Variants in ABL1 observed in about 807,000 individuals in gnomAD.
ABL1 encodes tyrosine-protein kinase ABL1.
Under a neutral mutation model 94.7 loss-of-function variants are expected in ABL1, and 11 were observed. The observed-to-expected ratio is 0.12, with a 90% CI of 0.07 to 0.19. The LOEUF is 0.19. Ranked by LOEUF, ABL1 falls within the 10% of genes least tolerant of loss-of-function variation. The pLI, the probability that ABL1 is intolerant of heterozygous loss-of-function variation, is 1.00. For synonymous variants in ABL1, 656 were observed against 622.4 expected, an observed-to-expected ratio of 1.05 and a Z score of -0.80; for missense variants, 1,082 against 1,489.4, an observed-to-expected ratio of 0.73 and a Z score of 4.50.
rs542532506 is a variant in ABL1 at position 130,754,304 on chromosome 9, C to T, written c.136+39849C>T. Among the ~76,000 whole-genome samples, 572 of 150,896 alleles carry T rather than the reference C, an allele frequency of 3.8e-3. 5 individuals carry two copies. Among genetic ancestry groups the T allele is most frequent in the African/African-American group, 0.013 (543 of 41,080 alleles). On this transcript the variant is annotated intron_variant, in intron 1 of 10. Coordinates refer to the ABL1 transcript ENST00000372348. ...CGGGTGGATTACGAGGTCAGGAGAT[C>T]GAGACCATCCTGGCTAACATGGTGA... is the stretch of plus-strand genomic sequence containing the variant.
chr9:130,745,144 G>A (rs1831872183), intron 1 of ABL1, among the ~76,000 whole-genome samples: 1 of 150,936 alleles, frequency 6.6e-6, no homozygotes, highest in Non-Finnish European at 1.5e-5. Flanking sequence ...GAGGGCAATG[G>A]TGTGATCTCG....
chr9:130,733,234 G>A (rs779211613), intron 1 of ABL1, among the ~76,000 whole-genome samples: 1 of 152,130 alleles, frequency 6.6e-6, no homozygotes, highest in Non-Finnish European at 1.5e-5. Flanking sequence ...TCACTTTTAA[G>A]AGAAAGAAAC....
chr9:130,841,401 C>G (rs1211640220), intron 1 of ABL1, among the ~76,000 whole-genome samples: 1 of 152,000 alleles, frequency 6.6e-6, no homozygotes, highest in African/African-American at 2.4e-5. Flanking sequence ...GCCACTGCAC[C>G]GGGCCAAAAA....
rs975355365 is a variant in ABL1 at position 130,805,105 on chromosome 9, C to G, written c.137-48959C>G. 3.3e-5 allele frequency among the ~76,000 whole-genome samples: 5 copies of G among 152,186 alleles called. No homozygotes were observed. The South Asian group carries it at 1.0e-3, about 31-fold the overall frequency. ...TTTGTTTGTTTGTTTGAGACAGAGT[C>G]TCGCACTGTCACCCAGGCTGGAGTG... On this transcript the variant is annotated intron_variant, in intron 1 of 10. Coordinates refer to the ABL1 transcript ENST00000372348.
rs139816111 is a variant in ABL1, at chr9:130,819,267, G to A, written c.137-34797G>A. Among the ~76,000 whole-genome samples the A allele has an allele frequency of 6.2e-3, 938 of 152,184 alleles. 8 individuals carry two copies. The highest frequency in any genetic ancestry group is 0.021 in the African/African-American group (878 of 41,544). Reference sequence around the variant, plus strand: ...CTCGGGAGGCTGAGGCAGGAGAATCGCTTGAACCCAGGAGGCGGGGAGGTT... The same window carrying A: ...CTCGGGAGGCTGAGGCAGGAGAATCACTTGAACCCAGGAGGCGGGGAGGTT... On this transcript the variant is annotated intron_variant, in intron 1 of 10. Coordinates refer to the ABL1 transcript ENST00000372348.
intron 1 of ABL1, among the ~76,000 whole-genome samples, chr9:130,821,585 T>C (rs1484000222): frequency 6.6e-6 from 1 of 152,130 alleles, no homozygotes; most frequent in Non-Finnish European, 1.5e-5. Context: ...TGCTACTATA[T>C]ATATCCATGT....
intron 1 of ABL1, among the ~76,000 whole-genome samples, chr9:130,850,548 C>G (rs1269320090): frequency 6.6e-6 from 1 of 152,126 alleles, no homozygotes; most frequent in Non-Finnish European, 1.5e-5. Context: ...ACTCTGTTGC[C>G]CAGGCTGGAG....
intron 1 of ABL1, among the ~76,000 whole-genome samples, chr9:130,776,057 C>G (rs1244561243): frequency 6.6e-6 from 1 of 152,128 alleles, no homozygotes; most frequent in East Asian, 1.9e-4. Flanking sequence ...CACAAAGGAA[C>G]TTTTATACTT....
Position 130,835,989 on chromosome 9 carries a change from A to T in ABL1, c.79+464A>T, listed in dbSNP as rs893138728. Among the ~76,000 whole-genome samples the T allele has an allele frequency of 1.3e-5, 2 of 152,242 alleles. No homozygotes were observed. Among genetic ancestry groups the T allele is most frequent in the Non-Finnish European group, 2.9e-5 (2 of 68,042 alleles). On this transcript the variant is annotated intron_variant, in intron 1 of 10. Transcript: ENST00000318560. The surrounding 1 kb of genome is among the most constrained non-coding windows in gnomAD (Gnocchi z 4.6). Reference sequence around the variant, plus strand: ...CACCGTTAATTGGGACTGTGTGTTAAAAAGATCGACCCGTGTTTGTGAAAA... The same window carrying T: ...CACCGTTAATTGGGACTGTGTGTTATAAAGATCGACCCGTGTTTGTGAAAA...
At position 130,848,017 on chromosome 9, in the gene ABL1, G is replaced by A. The variant is rs75658049; in HGVS notation, c.80-6047G>A. On this transcript the variant is annotated intron_variant, in intron 1 of 10. Transcript: ENST00000318560. Reference sequence around the variant, plus strand: ...AATGTTTGATAGAAGAGGTCAAATGGCATTTGAGAAGAAAAGCATTTCTGT... The same window carrying A: ...AATGTTTGATAGAAGAGGTCAAATGACATTTGAGAAGAAAAGCATTTCTGT... Among the ~76,000 whole-genome samples, 1,093 of 152,226 alleles carry A rather than the reference G, an allele frequency of 7.2e-3. 10 individuals are homozygous for A. Among genetic ancestry groups the A allele is most frequent in the African/African-American group, 0.024 (1,013 of 41,526 alleles).
At chr9:130,769,013 CT>C (rs1832218251) in intron 1 of ABL1, among the ~76,000 whole-genome samples, 1 of 152,086 alleles carries the variant, frequency 6.6e-6, no homozygotes, top group Admixed American at 6.5e-5. Flanking sequence ...TAGTGGTTAT[CT>C]TTTGAGAGTG....
intron 1 of ABL1, among the ~76,000 whole-genome samples, chr9:130,828,538 A>G (rs1588255584): frequency 6.6e-6 from 1 of 152,192 alleles, no homozygotes; most frequent in African/African-American, 2.4e-5. Flanking sequence ...GAACATAAAG[A>G]CAAAGACATG....
rs756550812 is a variant in ABL1 at position 130,880,679 on chromosome 9, T to C, written c.1678+15T>C. On this transcript the variant is annotated intron_variant, in intron 10 of 10. Transcript: ENST00000318560. The surrounding 1 kb of genome is among the most constrained non-coding windows in gnomAD (Gnocchi z 4.4). ...GGGAGAGAGCGGTAAGTCCCCCGCT[T>C]CCCCCAACCCCACTGCTCTTCCCTT... 6.2e-7 allele frequency: 1 copy of C among 1,611,422 alleles called. No individual in the cohort carries two copies. Among genetic ancestry groups the C allele is most frequent in the Non-Finnish European group, 8.5e-7 (1 of 1,179,080 alleles).
intron 1 of ABL1, among the ~76,000 whole-genome samples, chr9:130,800,880 A>C (rs989609269): frequency 1.4e-5 from 2 of 147,306 alleles, no homozygotes; most frequent in African/African-American, 5.0e-5. Context: ...TGAGCATATG[A>C]TTTTCCCTAC....
chr9:130,809,963 A>G (rs1391250788), intron 1 of ABL1, among the ~76,000 whole-genome samples: 1 of 152,266 alleles, frequency 6.6e-6, no homozygotes, highest in Admixed American at 6.5e-5. Context: ...TTTTCCAAAC[A>G]AAAGCTGAAG....
At chr9:130,833,549 C>G (rs933349032), upstream of ABL1, among the ~76,000 whole-genome samples, 1 of 152,194 alleles carries the variant, frequency 6.6e-6, no homozygotes, top group African/African-American at 2.4e-5. Context: ...TGTAGTCCTG[C>G]ATCTCCAGAT....
chr9:130,826,854 G>A lies in ABL1; in HGVS notation c.137-27210G>A, dbSNP rs182540953. On this transcript the variant is annotated intron_variant, in intron 1 of 10. Coordinates refer to the ABL1 transcript ENST00000372348. ...AGCACTTTGGGAGGCCGAGGCGGGC[G>A]GATCACAAGGTCAGGAGATCGAGAC... Among the ~76,000 whole-genome samples the A allele has an allele frequency of 7.6e-3, 1,160 of 152,194 alleles. 14 individuals carry two copies. The highest frequency in any genetic ancestry group is 0.026 in the African/African-American group (1,071 of 41,528).
upstream of ABL1, among the ~76,000 whole-genome samples, chr9:130,833,294 T>C (rs183379389): frequency 2.8e-4 from 43 of 152,352 alleles, no homozygotes; most frequent in South Asian, 1.4e-3. Context: ...TTTATTATAG[T>C]CTGATCCAAG....
At chr9:130,821,516 T>C (rs1025760135) in intron 1 of ABL1, among the ~76,000 whole-genome samples, 2 of 152,214 alleles carry the variant, frequency 1.3e-5, no homozygotes, top group Non-Finnish European at 2.9e-5. Context: ...CATACATTTT[T>C]CTCTATTCAC....
Sources: allele counts gnomAD v4.1 joint callset (sites outside exome capture counted in the v4.1 genomes callset), GRCh38; gene constraint gnomAD v4.1.1; non-coding constraint Gnocchi (gnomAD v3.1); transcripts MANE v1.5; gene names NCBI Gene and HGNC (gene_info 2026-07-23, HGNC 2026-07-21).